GRXCR1: variants seen among roughly 807,000 people sequenced by gnomAD.
GRXCR1 encodes the protein glutaredoxin domain-containing cysteine-rich protein 1.
A neutral mutation model predicts 27.3 loss-of-function variants in GRXCR1; 27 were observed. The ratio of observed to expected loss-of-function variants is 0.99; its 90% CI spans 0.73 to 1.37. GRXCR1 has a LOEUF of 1.37. GRXCR1 is among the 40% of genes most tolerant of loss of function. The pLI, the probability that GRXCR1 is intolerant of heterozygous loss-of-function variation, is 0.00. For missense variants in GRXCR1, 379 were observed against 354.4 expected, an observed-to-expected ratio of 1.07 and a Z score of -0.56; for synonymous variants, 122 against 131.1, an observed-to-expected ratio of 0.93 and a Z score of 0.47.
chr4:42,938,865 T>C (rs1352160730), intron 1 of GRXCR1, among the ~76,000 whole-genome samples: 2 of 146,276 alleles, frequency 1.4e-5, no homozygotes, highest in East Asian at 2.0e-4. Flanking sequence ...GGTCTACGTG[T>C]CTGTTTTTTT....
intron 1 of GRXCR1, among the ~76,000 whole-genome samples, chr4:42,911,918 G>A (rs1260921894): frequency 2.0e-5 from 3 of 152,182 alleles, no homozygotes; most frequent in Non-Finnish European, 2.9e-5. Context: ...TTAAGAGCCA[G>A]TGAGGGGATT....
At chr4:42,893,862 T>G (rs1299410676) in intron 1 of GRXCR1, among the ~76,000 whole-genome samples, 1 of 152,176 alleles carries the variant, frequency 6.6e-6, no homozygotes. Context: ...AAGCCAAATT[T>G]CTAACACATA....
At chr4:42,978,679 G>A (rs1748579416) in intron 2 of GRXCR1, among the ~76,000 whole-genome samples, 1 of 151,592 alleles carries the variant, frequency 6.6e-6, no homozygotes, top group Non-Finnish European at 1.5e-5. Flanking sequence ...TTATTTTTTG[G>A]TGCTAACATA....
chr4:42,957,330 C>T (rs373170463), intron 1 of GRXCR1, among the ~76,000 whole-genome samples: 42 of 152,010 alleles, frequency 2.8e-4, no homozygotes, highest in African/African-American at 9.9e-4. Context: ...ACTATGAACT[C>T]CATGTTGATA....
intron 2 of GRXCR1, among the ~76,000 whole-genome samples, chr4:43,001,291 C>T (rs1712348482): frequency 6.6e-6 from 1 of 152,006 alleles, no homozygotes; most frequent in South Asian, 2.1e-4. Context: ...ATGATTATCT[C>T]ATTATTGTTT....
chr4:42,975,484 C>G (rs1748493636), intron 2 of GRXCR1, among the ~76,000 whole-genome samples: 1 of 152,034 alleles, frequency 6.6e-6, no homozygotes, highest in South Asian at 2.1e-4. Flanking sequence ...ATAATGTATC[C>G]TTTGTGATTT....
chr4:42,972,329 ATCT>A (rs1748408392), intron 2 of GRXCR1, among the ~76,000 whole-genome samples: 1 of 152,134 alleles, frequency 6.6e-6, no homozygotes, highest in South Asian at 2.1e-4. Flanking sequence ...GAACATTCAA[ATCT>A]TCTTTTATTG....
chr4:42,935,220 C>A (rs765493405), intron 1 of GRXCR1, among the ~76,000 whole-genome samples: 1 of 151,836 alleles, frequency 6.6e-6, no homozygotes, highest in Non-Finnish European at 1.5e-5. Flanking sequence ...CAGCTGCATG[C>A]ACTCAGAGAC....
At chr4:42,894,906 A>T (rs1211078035) in intron 1 of GRXCR1, among the ~76,000 whole-genome samples, 4 of 152,084 alleles carry the variant, frequency 2.6e-5, no homozygotes, top group African/African-American at 9.7e-5. Context: ...GTAGACCAAG[A>T]TTTTTTGCAA....
intron 1 of GRXCR1, among the ~76,000 whole-genome samples, chr4:42,894,353 C>G (rs555894963): frequency 1.3e-5 from 2 of 151,476 alleles, no homozygotes; most frequent in Non-Finnish European, 2.9e-5. Flanking sequence ...GGGCTTTTGA[C>G]AATGATCTAA....
chr4:42,957,901 T>C (rs1312485937), intron 1 of GRXCR1, among the ~76,000 whole-genome samples: 1 of 151,968 alleles, frequency 6.6e-6, no homozygotes, highest in African/African-American at 2.4e-5. Context: ...GTCTGACAGG[T>C]CACTCTGTAA....
chr4:42,925,995 T>C (rs1747148340), intron 1 of GRXCR1, among the ~76,000 whole-genome samples: 3 of 152,026 alleles, frequency 2.0e-5, no homozygotes, highest in African/African-American at 7.2e-5. Flanking sequence ...CTACTTTCAC[T>C]GAACATTTCC....
intron 2 of GRXCR1, among the ~76,000 whole-genome samples, chr4:42,990,870 T>G (rs530267765): frequency 6.6e-6 from 1 of 152,256 alleles, no homozygotes; most frequent in East Asian, 1.9e-4. Context: ...TGCCACACAG[T>G]TGTTAAATTA....
intron 2 of GRXCR1, among the ~76,000 whole-genome samples, chr4:43,010,205 C>G (rs1219594475): frequency 3.3e-5 from 5 of 152,058 alleles, no homozygotes; most frequent in Admixed American, 3.3e-4. Flanking sequence ...ACTTCGAGAC[C>G]AGCTTGGCTA....
In GRXCR1 at chr4:42,902,137, A is replaced by G. The variant is rs372916436; in HGVS notation, c.384+8487A>G. Among the ~76,000 whole-genome samples, 60 of 152,348 alleles carry G rather than the reference A, an allele frequency of 3.9e-4. 1 individual carries two copies. The South Asian group carries it at 0.01, about 26-fold the overall frequency. On this transcript the variant is annotated intron_variant, in intron 1 of 3. Transcript: ENST00000399770. ...ATACCTTACTGAGTAAATATAACAC[A>G]GTGTTGATCATGGCAAATTGTCAGT... is the stretch of plus-strand genomic sequence containing the variant.
intron 2 of GRXCR1, among the ~76,000 whole-genome samples, chr4:42,975,336 G>A (rs1041329542): frequency 6.6e-6 from 1 of 152,156 alleles, no homozygotes; most frequent in African/African-American, 2.4e-5. Context: ...AGACAAGGCT[G>A]TGGTTAAATT....
chr4:43,003,127 G>A (rs962255679), intron 2 of GRXCR1, among the ~76,000 whole-genome samples: 2 of 152,096 alleles, frequency 1.3e-5, no homozygotes, highest in Admixed American at 6.6e-5. Flanking sequence ...TCCTAGGCAT[G>A]CTTCCTGTTA....
Position 42,893,491 on chromosome 4 carries a change from T to C in GRXCR1, c.225T>C (p.Asn75=), listed in dbSNP as rs1465246976. ...AGTCAGAAGGTGATGAGAATGAGAA[T>C]GACCAGGATAGCTTGCTGGTGTTAG... ...HIESEGDENE[N]DQDSLLVLAR... is the part of the protein sequence containing the mutation. The change falls in exon 1 of 4, where the codon AAT becomes AAC. Residue 75 remains asparagine (N), a synonymous_variant. Coordinates refer to ENST00000399770, the MANE Select transcript of GRXCR1 (RefSeq NM_001080476.3). The C allele has an allele frequency of 6.2e-7, 1 of 1,613,832 alleles. No individual in the cohort carries two copies. Among genetic ancestry groups the C allele is most frequent in the South Asian group, 1.1e-5 (1 of 91,078 alleles).
chr4:42,940,979 GA>G (rs1275129557), intron 1 of GRXCR1, among the ~76,000 whole-genome samples: 1 of 151,976 alleles, frequency 6.6e-6, no homozygotes, highest in Non-Finnish European at 1.5e-5. Flanking sequence ...AATCAATTAT[GA>G]AATTGATTAA....
Sources: gnomAD v4.1 joint callset for allele counts (sites outside exome capture counted in the v4.1 genomes callset) on GRCh38, gnomAD v4.1.1 for gene constraint, MANE v1.5 for transcripts, NCBI Gene and HGNC (gene_info 2026-07-23, HGNC 2026-07-21) for gene names.